CYP20A1: variants seen among roughly 807,000 people sequenced by gnomAD.
The protein encoded by CYP20A1 is cytochrome P450 family 20 subfamily A member 1.
In CYP20A1, 61 loss-of-function variants were observed where a neutral mutation model predicts 61.4. The observed-to-expected ratio is 0.99, with a 90% CI of 0.81 to 1.23. The LOEUF (loss-of-function observed/expected upper bound fraction) is 1.23. CYP20A1 is among the 50% of genes most tolerant of loss of function. The pLI is 0.00. For missense variants in CYP20A1, 530 were observed against 542.4 expected, an observed-to-expected ratio of 0.98 and a Z score of 0.23; for synonymous variants, 193 against 188.2, an observed-to-expected ratio of 1.03 and a Z score of -0.21.
At position 203,251,793 on chromosome 2, in the gene CYP20A1, G is replaced by GTGTATA. The variant is rs1553513992; in HGVS notation, c.290-173_290-172insGTATAT. The stretch of plus-strand genomic sequence containing the variant: ...TCAAAAGAAAACTATATATATATGT[G>GTGTATA]TATATATATATATATATATATATAA... On this transcript the variant is annotated intron_variant, in intron 3 of 12. Transcript: ENST00000356079. 2.3e-4 allele frequency among the ~76,000 whole-genome samples: 15 copies of GTGTATA among 64,218 alleles called. 1 individual carries two copies. The highest frequency in any genetic ancestry group is 6.7e-4 in the East Asian group (2 of 2,984). The allele number at this position is 64,218 out of a possible 152,430, so 42.1% of individuals were successfully genotyped here.
chr2:203,265,795 A>C (rs928002212), intron 4 of CYP20A1, among the ~76,000 whole-genome samples: 5 of 152,098 alleles, frequency 3.3e-5, no homozygotes, highest in African/African-American at 9.7e-5. Context: ...GATTCAAGCT[A>C]TTCTCCTGCT....
At chr2:203,286,040 G>T (rs1442180816) in intron 9 of CYP20A1, among the ~76,000 whole-genome samples, 2 of 152,188 alleles carry the variant, frequency 1.3e-5, no homozygotes, top group Non-Finnish European at 2.9e-5. Flanking sequence ...GGGCGTGGTG[G>T]CTCACACCTG....
chr2:203,239,674 A>G (rs1318363836), intron 1 of CYP20A1, among the ~76,000 whole-genome samples: 3 of 152,002 alleles, frequency 2.0e-5, no homozygotes, highest in African/African-American at 7.2e-5. Flanking sequence ...GCTCCAGGCA[A>G]ATGCTTCTTT....
Position 203,245,827 on chromosome 2 carries a change from T to C in CYP20A1, c.73-19T>C, listed in dbSNP as rs552336873. The C allele has an allele frequency of 1.3e-6, 2 of 1,553,248 alleles. No homozygotes were observed. Among genetic ancestry groups the C allele is most frequent in the Admixed American group, 1.7e-5 (1 of 58,672 alleles). ...TGGGATATATGATAATTCATTATTA[T>C]AAACTTTTTTTTTGTAAGGCTTCCA... On this transcript the variant is annotated intron_variant, in intron 1 of 12. Transcript: ENST00000356079.
intron 5 of CYP20A1, among the ~76,000 whole-genome samples, chr2:203,268,251 A>C (rs1244312499): frequency 6.6e-6 from 1 of 152,186 alleles, no homozygotes; most frequent in Non-Finnish European, 1.5e-5. Flanking sequence ...CAACATAGTT[A>C]TCAAGTTTCT....
chr2:203,296,776 C>T lies in CYP20A1; in HGVS notation c.1257C>T (p.Thr419=), dbSNP rs755219232. The change falls in exon 13 of 13, where the codon ACC becomes ACT. Residue 419 remains threonine (T), a synonymous_variant. Coordinates refer to ENST00000356079, the MANE Select transcript of CYP20A1 (RefSeq NM_177538.3). ...CPELRFAYMV[T]TVLLSVLVKR... Reference sequence around the variant, plus strand: ...TGACTAGGTTTGCATATATGGTGACCACAGTACTTCTTAGTGTATTGGTGA... The same window carrying T: ...TGACTAGGTTTGCATATATGGTGACTACAGTACTTCTTAGTGTATTGGTGA... 6.3e-7 allele frequency: 1 copy of T among 1,594,858 alleles called. No homozygotes were observed. Among genetic ancestry groups the T allele is most frequent in the Non-Finnish European group, 8.5e-7 (1 of 1,174,954 alleles).
At chr2:203,261,672 G>A (rs1172753868) in intron 4 of CYP20A1, among the ~76,000 whole-genome samples, 1 of 147,350 alleles carries the variant, frequency 6.8e-6, no homozygotes, top group Non-Finnish European at 1.5e-5. Context: ...AGCCAAGACA[G>A]AGGGCACTAA....
chr2:203,245,519 G>T (rs1423404432), intron 1 of CYP20A1, among the ~76,000 whole-genome samples: 1 of 151,936 alleles, frequency 6.6e-6, no homozygotes, highest in East Asian at 1.9e-4. Flanking sequence ...AAAGGCCCCA[G>T]CATGTATTGT....
intron 9 of CYP20A1, among the ~76,000 whole-genome samples, chr2:203,287,837 C>T (rs1254495553): frequency 6.6e-6 from 1 of 152,100 alleles, no homozygotes; most frequent in Non-Finnish European, 1.5e-5. Context: ...TTTAGCTCTA[C>T]TCAAAGTCTT....
intron 6 of CYP20A1, among the ~76,000 whole-genome samples, chr2:203,277,991 T>C (rs919818514): frequency 6.6e-6 from 1 of 151,916 alleles, no homozygotes; most frequent in African/African-American, 2.4e-5. Flanking sequence ...GTGCTGGTAT[T>C]AGGCCAGGTG....
rs575058733 is a variant in CYP20A1, at chr2:203,293,214, C to CTTTTTTTTTTTTTTTTT, written c.1148+889_1148+890insTTTTTTTTTTTTTTTTT. ...ATTTTTAAAAAAGCAGAATTTCTCTCTCTTTTTTTTTTTTTTTTTGAGATG... is the reference window on the plus strand; with the variant it reads ...ATTTTTAAAAAAGCAGAATTTCTCTCTTTTTTTTTTTTTTTTTTCTTTTTTTTTTTTTTTTTGAGATG... On this transcript the variant is annotated intron_variant, in intron 11 of 12. Transcript: ENST00000356079. 1.6e-5 allele frequency among the ~76,000 whole-genome samples: 2 copies of CTTTTTTTTTTTTTTTTT among 128,910 alleles called. 1 individual carries two copies. The highest frequency in any genetic ancestry group is 3.2e-5 in the Non-Finnish European group (2 of 62,470). The allele number at this position is 128,910 out of a possible 152,430, so 84.6% of individuals were successfully genotyped here.
At chr2:203,269,884 C>T (rs1051796082) in intron 5 of CYP20A1, among the ~76,000 whole-genome samples, 1 of 152,218 alleles carries the variant, frequency 6.6e-6, no homozygotes, top group African/African-American at 2.4e-5. Context: ...CCACCTCAGC[C>T]TCCCAAAGTG....
intron 5 of CYP20A1, among the ~76,000 whole-genome samples, chr2:203,270,647 T>G (rs1419606184): frequency 6.6e-6 from 1 of 151,832 alleles, no homozygotes; most frequent in Non-Finnish European, 1.5e-5. Flanking sequence ...TTTAACTCTT[T>G]CATTGTGAAT....
intron 8 of CYP20A1, among the ~76,000 whole-genome samples, chr2:203,281,601 G>A (rs1385714308): frequency 1.3e-5 from 2 of 152,040 alleles, no homozygotes; most frequent in Non-Finnish European, 2.9e-5. Flanking sequence ...AGGAGTTCGA[G>A]ACCAGCCTGA....
chr2:203,248,566 T>C (rs1361307220), intron 3 of CYP20A1, among the ~76,000 whole-genome samples: 3 of 152,012 alleles, frequency 2.0e-5, no homozygotes. Context: ...GTGGTCAAGC[T>C]AGGCAAACAG....
chr2:203,276,685 A>G (rs2067835409), intron 6 of CYP20A1, among the ~76,000 whole-genome samples: 1 of 152,226 alleles, frequency 6.6e-6, no homozygotes, highest in Non-Finnish European at 1.5e-5. Flanking sequence ...GGGAAGATCC[A>G]GGATTTGGGG....
intron 4 of CYP20A1, among the ~76,000 whole-genome samples, chr2:203,258,005 G>GCTCAAGTGCAGTGCCACAATTAT (rs1455916330): frequency 6.6e-6 from 1 of 151,752 alleles, no homozygotes; most frequent in Non-Finnish European, 1.5e-5. Context: ...GGGCTGAAGG[G>GCTCAAGTGCAGTGCCACAATTAT]ATCCTCCTGC....
intron 3 of CYP20A1, among the ~76,000 whole-genome samples, chr2:203,249,759 C>T (rs564096599): frequency 4.3e-4 from 66 of 152,116 alleles, no homozygotes; most frequent in African/African-American, 1.3e-3. Context: ...GCATGAAAAT[C>T]GCTTGAACCT....
chr2:203,243,685 CTTTTTTT>C (rs36041824), intron 1 of CYP20A1, among the ~76,000 whole-genome samples: 1 of 75,574 alleles, frequency 1.3e-5, no homozygotes, highest in Admixed American at 1.7e-4. Flanking sequence ...CGCCTGGCCT[CTTTTTTT>C]TTTTTTTTTT....
Sources: allele counts gnomAD v4.1 joint callset (sites outside exome capture counted in the v4.1 genomes callset), GRCh38; gene constraint gnomAD v4.1.1; transcripts MANE v1.5; gene names NCBI Gene and HGNC (gene_info 2026-07-23, HGNC 2026-07-21).